Variants in TSHZ2 observed in about 807,000 individuals in gnomAD.
TSHZ2 encodes the protein teashirt zinc finger homeobox 2, also known as teashirt homolog 2.
TSHZ2 carries 21 observed loss-of-function variants against 74.4 expected under a neutral mutation model. The observed-to-expected ratio is 0.28, with a 90% confidence interval of 0.20 to 0.41. The LOEUF is 0.41. Ranked by LOEUF, TSHZ2 falls within the 10% of genes least tolerant of loss-of-function variation. The probability of loss-of-function intolerance (pLI) is 1.00; values close to 1 mark genes in which losing one functional copy is unlikely to be tolerated. For synonymous variants in TSHZ2, 540 were observed against 515.3 expected, an observed-to-expected ratio of 1.05 and a Z score of -0.65; for missense variants, 1,244 against 1,293.5, an observed-to-expected ratio of 0.96 and a Z score of 0.59.
chr20:52,980,998 A>T (rs1160070358), intron 1 of TSHZ2, among the ~76,000 whole-genome samples: 1 of 152,232 alleles, frequency 6.6e-6, no homozygotes, highest in East Asian at 1.9e-4. Flanking sequence ...AGAAGAGTCA[A>T]ATCTATTCTA....
chr20:53,197,184 G>A (rs1988891000), intron 1 of TSHZ2, among the ~76,000 whole-genome samples: 1 of 152,210 alleles, frequency 6.6e-6, no homozygotes, highest in African/African-American at 2.4e-5. Context: ...GTTTACCAAA[G>A]TGGTTCATTA....
chr20:53,388,229 T>C (rs1215119606), intron 2 of TSHZ2, among the ~76,000 whole-genome samples: 1 of 152,154 alleles, frequency 6.6e-6, no homozygotes, highest in Non-Finnish European at 1.5e-5. Flanking sequence ...CATCTTACAA[T>C]GTTTCTCTTC....
At chr20:53,346,865 T>C (rs73911302) in intron 2 of TSHZ2, among the ~76,000 whole-genome samples, 3,443 of 152,306 alleles carry the variant, frequency 0.023, 126 homozygotes, top group African/African-American at 0.079. Flanking sequence ...CCCCCACAGA[T>C]ACACAGAGTC....
At chr20:53,289,210 T>C (rs1412273443) in intron 2 of TSHZ2, among the ~76,000 whole-genome samples, 1 of 152,218 alleles carries the variant, frequency 6.6e-6, no homozygotes, top group East Asian at 1.9e-4. Context: ...TTATCCACTC[T>C]TTGGTTGATG....
Position 53,472,984 on chromosome 20 carries a change from C to G in TSHZ2, c.*9-14160C>G, listed in dbSNP as rs6022510. ...AACGGCGCACCACGAGATTATATCC[C>G]GCACCTGGCTGGGAGGGTCCTACGC... is the stretch of plus-strand genomic sequence containing the variant. On this transcript the variant is annotated intron_variant, in intron 2 of 2. Coordinates refer to ENST00000371497, the MANE Select transcript of TSHZ2 (RefSeq NM_173485.6). Among the ~76,000 whole-genome samples, 1,162 of 151,994 alleles carry G rather than the reference C, an allele frequency of 7.6e-3. 20 individuals carry two copies. Among genetic ancestry groups the G allele is most frequent in the African/African-American group, 0.024 (988 of 41,412 alleles).
chr20:53,336,537 A>G (rs1979954814), intron 2 of TSHZ2, among the ~76,000 whole-genome samples: 4 of 152,184 alleles, frequency 2.6e-5, no homozygotes, highest in Admixed American at 2.6e-4. Flanking sequence ...TGATATTAAG[A>G]TGTCTGAGGA....
intron 1 of TSHZ2, among the ~76,000 whole-genome samples, chr20:53,035,931 T>C (rs1409242180): frequency 6.6e-6 from 1 of 152,250 alleles, no homozygotes; most frequent in Non-Finnish European, 1.5e-5. Flanking sequence ...TTTATACATA[T>C]TTGTTAGAAT....
At chr20:52,991,944 G>A (rs16997396) in intron 1 of TSHZ2, among the ~76,000 whole-genome samples, 7,468 of 152,240 alleles carry the variant, frequency 0.049, 200 homozygotes, top group East Asian at 0.085. Context: ...ACATGAAGCC[G>A]ACGTCACAGT....
At chr20:53,089,832 C>T (rs1000596774) in intron 1 of TSHZ2, among the ~76,000 whole-genome samples, 6 of 152,168 alleles carry the variant, frequency 3.9e-5, no homozygotes, top group Admixed American at 6.5e-5. Context: ...GCCTGGGGAG[C>T]GCCCAAGAAT....
chr20:53,161,904 C>T (rs997707090), intron 1 of TSHZ2, among the ~76,000 whole-genome samples: 6 of 152,178 alleles, frequency 3.9e-5, no homozygotes, highest in Non-Finnish European at 7.3e-5. Flanking sequence ...GTATATCCAC[C>T]TTAGGTCCTT....
At chr20:53,050,138 TGTGTATATATATATAC>T (rs1984397119) in intron 1 of TSHZ2, among the ~76,000 whole-genome samples, 3 of 93,002 alleles carry the variant, frequency 3.2e-5, no homozygotes, top group South Asian at 4.1e-4. Context: ...CATATATATA[TGTGTATATATATATAC>T]ACATATATAT....
chr20:53,473,908 C>T (rs1039665572), intron 2 of TSHZ2, among the ~76,000 whole-genome samples: 3 of 151,790 alleles, frequency 2.0e-5, no homozygotes, highest in South Asian at 2.1e-4. Context: ...AGGGTATCAG[C>T]GATGGAAGAT....
At chr20:53,409,834 C>CTTTTT (rs71194475) in intron 2 of TSHZ2, among the ~76,000 whole-genome samples, 1,077 of 49,442 alleles carry the variant, frequency 0.022, 3 homozygotes, top group Non-Finnish European at 0.03. Context: ...GTTTTCTTTT[C>CTTTTT]TTTTTTTTTT....
chr20:53,223,817 G>A (rs1272194947), intron 1 of TSHZ2, among the ~76,000 whole-genome samples: 1 of 152,038 alleles, frequency 6.6e-6, no homozygotes, highest in Non-Finnish European at 1.5e-5. Context: ...AGGAGTCCTT[G>A]TGATATAACT....
At chr20:53,460,474 T>G (rs925962401) in intron 2 of TSHZ2, among the ~76,000 whole-genome samples, 1 of 152,202 alleles carries the variant, frequency 6.6e-6, no homozygotes, top group Non-Finnish European at 1.5e-5. Context: ...AGTTTTCAAC[T>G]TCTTTGCCTT....
At chr20:53,154,328 T>A (rs140442042) in intron 1 of TSHZ2, among the ~76,000 whole-genome samples, 43 of 152,326 alleles carry the variant, frequency 2.8e-4, no homozygotes, top group African/African-American at 9.6e-4. Context: ...TTTTTTAACA[T>A]TGCTCCTATG....
At chr20:53,480,141 T>C (rs1458480131) in intron 2 of TSHZ2, among the ~76,000 whole-genome samples, 1 of 150,310 alleles carries the variant, frequency 6.7e-6, no homozygotes, top group Non-Finnish European at 1.5e-5. Flanking sequence ...TGATCTCGAC[T>C]CACTGCAACC....
At chr20:53,403,063 C>T (rs372855902) in intron 2 of TSHZ2, among the ~76,000 whole-genome samples, 1 of 152,306 alleles carries the variant, frequency 6.6e-6, no homozygotes, top group African/African-American at 2.4e-5. Context: ...TCCCTTCCCT[C>T]CCGCTCTCCA....
intron 2 of TSHZ2, among the ~76,000 whole-genome samples, chr20:53,385,296 T>G (rs1024450359): frequency 6.6e-6 from 1 of 152,142 alleles, no homozygotes; most frequent in Non-Finnish European, 1.5e-5. Context: ...TGTCATATTA[T>G]TGACTTATGA....
Sources: allele counts gnomAD v4.1 joint callset (sites outside exome capture counted in the v4.1 genomes callset), GRCh38; gene constraint gnomAD v4.1.1; transcripts MANE v1.5; gene names NCBI Gene and HGNC (gene_info 2026-07-23, HGNC 2026-07-21).